SLC26A7: variants seen among roughly 807,000 people sequenced by gnomAD.
The protein encoded by SLC26A7 is solute carrier family 26 member 7, also known as anion exchange transporter.
A neutral mutation model predicts 82.5 loss-of-function variants in SLC26A7; 59 were observed. That is an observed-to-expected ratio of 0.72 (90% CI 0.58 to 0.89). The LOEUF (loss-of-function observed/expected upper bound fraction) is 0.89. SLC26A7 is among the 40% of genes least tolerant of loss of function. The pLI is 0.00. For synonymous variants in SLC26A7, 271 were observed against 274.3 expected (o/e 0.99, Z 0.12); for missense variants, 820 against 793.0 (o/e 1.03, Z -0.41).
intron 1 of SLC26A7, among the ~76,000 whole-genome samples, chr8:91,216,695 T>C (rs2130655881): frequency 6.6e-6 from 1 of 152,284 alleles, no homozygotes; most frequent in East Asian, 1.9e-4. Flanking sequence ...CCAACCACAA[T>C]TTCATCACTT....
chr8:91,295,182 A>C (rs955347210), intron 3 of SLC26A7, among the ~76,000 whole-genome samples: 5 of 152,212 alleles, frequency 3.3e-5, no homozygotes, highest in African/African-American at 1.2e-4. Flanking sequence ...TTTAGGTCAC[A>C]TTATTGGTAA....
At chr8:91,226,023 C>T (rs1022805060) in intron 2 of SLC26A7, among the ~76,000 whole-genome samples, 15 of 152,142 alleles carry the variant, frequency 9.9e-5, no homozygotes, top group Admixed American at 4.6e-4. Flanking sequence ...ACAGAATCCT[C>T]TTCTGTATTT....
At position 91,389,382 on chromosome 8, in the gene SLC26A7, C is replaced by G. The variant is rs1164023729; in HGVS notation, c.1720C>G (p.Leu574Val). The G allele has an allele frequency of 1.9e-6, 3 of 1,613,928 alleles. No homozygotes were observed. In the African/African-American group the frequency reaches 4.0e-5, roughly 22 times the overall value. ...CCCTAATGAGAAGTGTTATTTAATC[C>G]TGGATTGCAGTGGATTTACCTTTTT... The part of the protein sequence containing the change: ...SCPNEKCYLI[L>V]DCSGFTFFDY... Residue 574 changes from leucine to valine, a missense_variant, in exon 16 of 19, where the codon CTG becomes GTG. Physicochemically the swap from Leu to Val is conservative, Grantham distance 32. Coordinates refer to ENST00000276609, the MANE Select transcript of SLC26A7 (RefSeq NM_052832.4).
intron 6 of SLC26A7, among the ~76,000 whole-genome samples, chr8:91,337,496 A>G (rs926053305): frequency 2.6e-5 from 4 of 152,162 alleles, no homozygotes; most frequent in Admixed American, 2.6e-4. Flanking sequence ...ATGTATGTTA[A>G]AGATGATTAT....
At chr8:91,306,849 A>G (rs1410709250) in intron 4 of SLC26A7, among the ~76,000 whole-genome samples, 2 of 152,066 alleles carry the variant, frequency 1.3e-5, no homozygotes, top group Non-Finnish European at 2.9e-5. Context: ...AGCTAAGACT[A>G]CAGGGACTTG....
At chr8:91,235,079 G>A (rs1048729448) in intron 2 of SLC26A7, among the ~76,000 whole-genome samples, 1 of 151,678 alleles carries the variant, frequency 6.6e-6, no homozygotes, top group Non-Finnish European at 1.5e-5. Flanking sequence ...GTGACCACGC[G>A]AGGCTAATTT....
At chr8:91,271,491 T>G (rs2130734897) in intron 2 of SLC26A7, among the ~76,000 whole-genome samples, 1 of 152,312 alleles carries the variant, frequency 6.6e-6, no homozygotes, top group Admixed American at 6.5e-5. Flanking sequence ...ATATACTTTC[T>G]TCATCTGAAT....
At chr8:91,272,949 T>G (rs79992273) in intron 2 of SLC26A7, among the ~76,000 whole-genome samples, 2,710 of 152,208 alleles carry the variant, frequency 0.018, 30 homozygotes, top group Admixed American at 0.028. Context: ...GCAGAAATAG[T>G]GGCAGTAGGA....
intron 13 of SLC26A7, among the ~76,000 whole-genome samples, chr8:91,365,570 G>A (rs957273436): frequency 6.6e-5 from 10 of 152,086 alleles, no homozygotes; most frequent in African/African-American, 2.4e-4. Context: ...CTTAAGGTTT[G>A]TTTGTTTTCT....
Position 91,228,765 on chromosome 8 carries a change from A to G in SLC26A7, c.-34+9760A>G, listed in dbSNP as rs1369587422. On this transcript the variant is annotated intron_variant, in intron 2 of 5. Transcript: ENST00000522862. ...GATTTCTTTCTGGTGTGACTGAAGA[A>G]ACCAGGGGTTTCTTGTGGTTTATTA... Among the ~76,000 whole-genome samples the G allele has an allele frequency of 2.0e-5, 3 of 152,296 alleles. No homozygotes were observed. The East Asian group carries it at 5.8e-4, about 29-fold the overall frequency.
At chr8:91,376,056 T>G (rs1356534235) in intron 15 of SLC26A7, among the ~76,000 whole-genome samples, 1 of 152,186 alleles carries the variant, frequency 6.6e-6, no homozygotes, top group Non-Finnish European at 1.5e-5. Flanking sequence ...TGAAATTCCT[T>G]TAGCGAGTTG....
At chr8:91,279,492 G>A (rs1811507038) in intron 2 of SLC26A7, among the ~76,000 whole-genome samples, 1 of 152,006 alleles carries the variant, frequency 6.6e-6, no homozygotes, top group Non-Finnish European at 1.5e-5. Context: ...TCATTCTAAC[G>A]GAGGTGAGGC....
chr8:91,356,484 G>C (rs1344329756), intron 11 of SLC26A7, among the ~76,000 whole-genome samples: 2 of 152,198 alleles, frequency 1.3e-5, no homozygotes, highest in Non-Finnish European at 2.9e-5. Flanking sequence ...GGCCAGTGAT[G>C]ATGAGCATTT....
At chr8:91,299,319 C>T (rs563439117) in intron 4 of SLC26A7, among the ~76,000 whole-genome samples, 2 of 152,008 alleles carry the variant, frequency 1.3e-5, no homozygotes, top group African/African-American at 2.4e-5. Flanking sequence ...ATTTATCAGT[C>T]GTTTCTTTTA....
chr8:91,348,860 T>C (rs1404633804), intron 9 of SLC26A7, among the ~76,000 whole-genome samples: 1 of 152,188 alleles, frequency 6.6e-6, no homozygotes, highest in African/African-American at 2.4e-5. Context: ...AAGTAGATGA[T>C]ATTTGAAATA....
At chr8:91,392,141 A>G (rs1175601485) in intron 16 of SLC26A7, among the ~76,000 whole-genome samples, 1 of 152,196 alleles carries the variant, frequency 6.6e-6, no homozygotes, top group Non-Finnish European at 1.5e-5. Context: ...ATAAAATGAC[A>G]TTCCCTTAGC....
intron 16 of SLC26A7, among the ~76,000 whole-genome samples, chr8:91,391,209 G>A (rs1222531589): frequency 2.0e-5 from 3 of 152,172 alleles, no homozygotes; most frequent in African/African-American, 7.2e-5. Flanking sequence ...ACGGGTGGGA[G>A]TGTGTGTAGG....
intron 11 of SLC26A7, among the ~76,000 whole-genome samples, chr8:91,361,000 T>G (rs1024323020): frequency 3.9e-5 from 6 of 152,082 alleles, no homozygotes; most frequent in African/African-American, 1.4e-4. Context: ...AAAAACCATC[T>G]CAGCTGGGAA....
intron 2 of SLC26A7, among the ~76,000 whole-genome samples, chr8:91,265,204 T>C (rs1466584913): frequency 6.6e-6 from 1 of 152,118 alleles, no homozygotes; most frequent in Non-Finnish European, 1.5e-5. Flanking sequence ...TCCATGTTTG[T>C]ACAAATGACA....
Sources: allele counts gnomAD v4.1 joint callset (sites outside exome capture counted in the v4.1 genomes callset), GRCh38; gene constraint gnomAD v4.1.1; transcripts MANE v1.5; gene names NCBI Gene and HGNC (gene_info 2026-07-23, HGNC 2026-07-21).